The following LOXL1 variants were observed in gnomAD, a reference collection of about 807,000 sequenced individuals.
LOXL1 encodes lysyl oxidase homolog 1.
LOXL1 carries 31 observed loss-of-function variants against 62.2 expected under a neutral mutation model. That is an observed-to-expected ratio of 0.50 (90% CI 0.37 to 0.67). The LOEUF (loss-of-function observed/expected upper bound fraction) is 0.67. LOXL1 is among the 30% of genes least tolerant of loss of function. The pLI is 0.00. For missense variants in LOXL1, 775 were observed against 843.4 expected (o/e 0.92, Z 1.00); for synonymous variants, 403 against 384.4 (o/e 1.05, Z -0.56).
At chr15:73,933,657 C>T (rs1053231554) in intron 1 of LOXL1, among the ~76,000 whole-genome samples, 1 of 152,252 alleles carries the variant, frequency 6.6e-6, no homozygotes, top group African/African-American at 2.4e-5. Context: ...CCTAGTAGCT[C>T]CTGAGTCCAT....
intron 3 of LOXL1, 39 bp from the exon 4 acceptor site, chr15:73,947,028 C>T (rs1255773849): frequency 6.5e-7 from 1 of 1,545,098 alleles, no homozygotes. Flanking sequence ...CCAGGGAAGA[C>T]TAGGCCCTCT....
chr15:73,951,944 GCATC>G lies in LOXL1; in HGVS notation c.*109_*112del, dbSNP rs1044243495. ...GCCCCCAACCCACAGGCACGGAGGG[GCATC>G]CCTCCCTGCCGGCCTCAGGGAGCGA... On this transcript the variant is annotated 3_prime_UTR_variant, in exon 7 of 7. Transcript: ENST00000261921. The G allele has an allele frequency of 1.7e-5, 17 of 1,002,484 alleles. 2 individuals carry two copies. Among genetic ancestry groups the G allele is most frequent in the Middle Eastern group, 3.5e-4 (1 of 2,836 alleles). 62.1% of individuals were successfully genotyped at this position (1,002,484 alleles called of 1,614,324 possible).
chr15:73,946,618 C>A, intron 3 of LOXL1, 64 bp downstream of exon 3: 1 of 1,529,328 alleles, frequency 6.5e-7, no homozygotes, highest in Non-Finnish European at 8.8e-7. Context: ...ACCTTGGTGC[C>A]TGAGCTCCCC....
Position 73,927,741 on chromosome 15 carries a change from G to T in LOXL1, c.958G>T (p.Ala320Ser), listed in dbSNP as rs1440106469. ...GCCCTACGCCAACCCGCCGCCCGAG[G>T]CGTACGGGCCGCCGCGCGCGCTGGA... ...YPPYANPPPE[A>S]YGPPRALEPP... The change falls in exon 1 of 7, where the codon GCG becomes TCG. Residue 320 changes from alanine (A) to serine (S), a missense_variant. By Grantham distance (99) the Ala-to-Ser change is moderately conservative. Coordinates refer to ENST00000261921, the MANE Select transcript of LOXL1 (RefSeq NM_005576.4). The T allele has an allele frequency of 6.9e-7, 1 of 1,458,396 alleles. No homozygotes were observed. 90.3% of individuals were successfully genotyped at this position (1,458,396 alleles called of 1,614,324 possible).
chr15:73,929,303 G>T (rs1195196522), intron 1 of LOXL1, among the ~76,000 whole-genome samples: 1 of 152,198 alleles, frequency 6.6e-6, no homozygotes, highest in African/African-American at 2.4e-5. Context: ...TGCTGTGCCT[G>T]GCCCACCAAG....
At chr15:73,931,483 G>A (rs2068635403) in intron 1 of LOXL1, among the ~76,000 whole-genome samples, 3 of 152,278 alleles carry the variant, frequency 2.0e-5, no homozygotes, top group Admixed American at 2.0e-4. Flanking sequence ...GCACTCCAGA[G>A]TTAGAGGCAC....
chr15:73,947,319 C>T, intron 4 of LOXL1, 96 bp downstream of exon 4: 1 of 1,373,210 alleles, frequency 7.3e-7, no homozygotes, highest in Non-Finnish European at 1.0e-6. Context: ...GCCAAGGCTT[C>T]TGGCCACTCA....
chr15:73,940,393 G>A (rs1474515299), intron 1 of LOXL1, among the ~76,000 whole-genome samples: 1 of 151,422 alleles, frequency 6.6e-6, no homozygotes, highest in East Asian at 1.9e-4. Flanking sequence ...CATAACTCTG[G>A]CACTTATAAC....
intron 6 of LOXL1, among the ~76,000 whole-genome samples, chr15:73,950,473 G>A (rs1406711319): frequency 6.6e-6 from 1 of 152,164 alleles, no homozygotes; most frequent in African/African-American, 2.4e-5. Flanking sequence ...GTATGGCCAG[G>A]GTCAGGATTC....
In LOXL1 at chr15:73,951,903, C is replaced by G; in HGVS notation, c.*66C>G. The G allele has an allele frequency of 7.1e-7, 1 of 1,399,092 alleles. No homozygotes were observed. Among genetic ancestry groups the G allele is most frequent in the East Asian group, 2.7e-5 (1 of 36,596 alleles). The allele number at this position is 1,399,092 out of a possible 1,614,324, so 86.7% of individuals were successfully genotyped here. On this transcript the variant is annotated 3_prime_UTR_variant, in exon 7 of 7. Coordinates refer to ENST00000261921, the MANE Select transcript of LOXL1 (RefSeq NM_005576.4). Reference sequence around the variant, plus strand: ...GCAGGCCCTGCTCCCCGGGCAGCCTCCCGCCGAGGGGCCCAGCCCCCAACC... The same window carrying G: ...GCAGGCCCTGCTCCCCGGGCAGCCTGCCGCCGAGGGGCCCAGCCCCCAACC...
intron 2 of LOXL1, 124 bp from the exon 3 acceptor site, chr15:73,946,293 A>AGGGACAAGGAGTGGGGCTGC: frequency 3.0e-6 from 2 of 664,712 alleles, no homozygotes; most frequent in Non-Finnish European, 5.3e-6. Flanking sequence ...GAAGATCTTC[A>AGGGACAAGGAGTGGGGCTGC]GGGACAAGGA....
Position 73,946,481 on chromosome 15 carries a change from G to T in LOXL1, c.1276G>T (p.Val426Leu), listed in dbSNP as rs548422464. The T allele has an allele frequency of 1.2e-6, 2 of 1,612,480 alleles. No homozygotes were observed. The highest frequency in any genetic ancestry group is 2.2e-5 in the East Asian group (1 of 44,782). ...VRVLLRFPQR[V>L]KNQGTADFLP... ...GGTGCTACTGCGCTTCCCCCAGCGC[G>T]TGAAGAACCAGGGCACAGCAGACTT... Residue 426 changes from valine (V) to leucine (L), a missense_variant, in exon 3 of 7, where the codon GTG (valine) becomes TTG (leucine). Coordinates refer to ENST00000261921, the MANE Select transcript of LOXL1 (RefSeq NM_005576.4).
At chr15:73,939,557 T>A (rs1183905510) in intron 1 of LOXL1, among the ~76,000 whole-genome samples, 1 of 152,160 alleles carries the variant, frequency 6.6e-6, no homozygotes, top group Admixed American at 6.5e-5. Context: ...AAGGCATAAC[T>A]AATCTACAGT....
At position 73,927,740 on chromosome 15, in the gene LOXL1, G is replaced by A. The variant is rs1402793245; in HGVS notation, c.957G>A (p.Glu319=). 1 of 1,458,422 alleles carries A rather than the reference G, an allele frequency of 6.9e-7. No individual in the cohort carries two copies. Among genetic ancestry groups the A allele is most frequent in the Non-Finnish European group, 9.0e-7 (1 of 1,111,782 alleles). 90.3% of individuals were successfully genotyped at this position (1,458,422 alleles called of 1,614,324 possible). A position where few individuals can be genotyped will look rare whatever the true frequency, so the allele number is the denominator to read the frequency against. The part of the protein sequence containing the change: ...WYPPYANPPP[E]AYGPPRALEP... The stretch of plus-strand genomic sequence containing the variant: ...CGCCCTACGCCAACCCGCCGCCCGA[G>A]GCGTACGGGCCGCCGCGCGCGCTGG... Residue 319 remains glutamate, a synonymous_variant, in exon 1 of 7, where the codon GAG becomes GAA. Coordinates refer to ENST00000261921, the MANE Select transcript of LOXL1 (RefSeq NM_005576.4).
chr15:73,937,413 C>T (rs1339451716), intron 1 of LOXL1, among the ~76,000 whole-genome samples: 4 of 152,218 alleles, frequency 2.6e-5, no homozygotes, highest in Non-Finnish European at 5.9e-5. Flanking sequence ...CTGGCTGTCT[C>T]CCTGTGGAAT....
chr15:73,934,638 T>C (rs1055128340), intron 1 of LOXL1, among the ~76,000 whole-genome samples: 40 of 152,248 alleles, frequency 2.6e-4, no homozygotes, highest in African/African-American at 8.0e-4. Flanking sequence ...AAATATTTAT[T>C]GAGCGACTTA....
intron 1 of LOXL1, among the ~76,000 whole-genome samples, chr15:73,934,232 A>C (rs2068654922): frequency 1.3e-5 from 2 of 152,230 alleles, no homozygotes; most frequent in Non-Finnish European, 2.9e-5. Flanking sequence ...CCTGCTTGAC[A>C]ATGAAGTCTG....
chr15:73,947,020 A>G (rs1486318702), intron 3 of LOXL1, 47 bp from the exon 4 acceptor site: 1 of 1,522,084 alleles, frequency 6.6e-7, no homozygotes, highest in Non-Finnish European at 8.9e-7. Flanking sequence ...TGAGAGGCCC[A>G]GGGAAGACTA....
rs772973014 is a variant in LOXL1 at position 73,927,236 on chromosome 15, C to T, written c.453C>T (p.His151=). Residue 151 remains histidine, a synonymous_variant, in exon 1 of 7, where the codon CAC becomes CAT. Coordinates refer to ENST00000261921, the MANE Select transcript of LOXL1 (RefSeq NM_005576.4). ...GCACCTCCGTCTCCCAGCAACGGCA[C>T]GGGGGCTCCGCCTCCTCGGTCTCGG... ...RARTSVSQQR[H]GGSASSVSAS... is the part of the protein sequence containing the mutation. 3 of 1,597,806 alleles carry T rather than the reference C, an allele frequency of 1.9e-6. No homozygotes were observed. Among genetic ancestry groups the T allele is most frequent in the African/African-American group, 2.7e-5 (2 of 73,664 alleles).
Sources: gnomAD v4.1 joint callset for allele counts (sites outside exome capture counted in the v4.1 genomes callset) on GRCh38, gnomAD v4.1.1 for gene constraint, MANE v1.5 for transcripts, NCBI Gene and HGNC (gene_info 2026-07-23, HGNC 2026-07-21) for gene names.